HDLBP: variants seen among roughly 807,000 people sequenced by gnomAD.
HDLBP encodes the protein high density lipoprotein binding protein.
Under a neutral mutation model 137.3 loss-of-function variants are expected in HDLBP, and 30 were observed. That is an observed-to-expected ratio of 0.22 (90% CI 0.16 to 0.30). The LOEUF is 0.30. Ranked by LOEUF, HDLBP falls within the 10% of genes least tolerant of loss-of-function variation. The probability of loss-of-function intolerance (pLI) is 1.00; values close to 1 mark genes in which losing one functional copy is unlikely to be tolerated. For missense variants in HDLBP, 1,119 were observed against 1,667.3 expected, an observed-to-expected ratio of 0.67 and a Z score of 5.73; for synonymous variants, 606 against 596.0, an observed-to-expected ratio of 1.02 and a Z score of -0.24.
chr2:241,247,978 A>C, intron 14 of HDLBP, 25 bp downstream of exon 14: 1 of 1,539,440 alleles, frequency 6.5e-7, no homozygotes, highest in South Asian at 1.1e-5. Flanking sequence ...GCTGTCATAC[A>C]AGAAAGGATG....
At chr2:241,312,629 T>G (rs1416657317) in intron 1 of HDLBP, among the ~76,000 whole-genome samples, 5 of 152,240 alleles carry the variant, frequency 3.3e-5, no homozygotes, top group Non-Finnish European at 4.4e-5. Flanking sequence ...ATGATATGCT[T>G]CTTTCAGAAC....
intron 16 of HDLBP, chr2:241,246,546 G>A (rs1435303325): frequency 3.8e-6 from 2 of 519,896 alleles, no homozygotes; most frequent in Non-Finnish European, 6.8e-6. Flanking sequence ...AAATGTTACT[G>A]CTGCAGGGTC....
chr2:241,299,151 A>G (rs1331630009), intron 1 of HDLBP, among the ~76,000 whole-genome samples: 1 of 152,148 alleles, frequency 6.6e-6, no homozygotes, highest in Non-Finnish European at 1.5e-5. Flanking sequence ...CGGTACCCGT[A>G]CCTCCTCTGT....
At position 241,256,349 on chromosome 2, in the gene HDLBP, G is replaced by C; in HGVS notation, c.708C>G (p.Phe236Leu). 3 of 1,613,860 alleles carry C rather than the reference G, an allele frequency of 1.9e-6. No individual in the cohort carries two copies. Among genetic ancestry groups the C allele is most frequent in the African/African-American group, 2.7e-5 (2 of 75,026 alleles). Residue 236 changes from phenylalanine to leucine, a missense_variant, in exon 7 of 28, where the codon TTC becomes TTG. By Grantham distance (22) the Phe-to-Leu change is conservative. Around this residue, in one of 4 missense-constraint regions of HDLBP, gnomAD observed 425 missense variants for 693.9 expected, o/e 0.61. Coordinates refer to ENST00000310931, the MANE Select transcript of HDLBP (RefSeq NM_005336.6). The stretch of plus-strand genomic sequence containing the variant: ...CCAGTCTATTATACGGCCCAGCGAT[G>C]AAGGGGTGGAATGCCTTTTCTACTT... Reference protein sequence around the residue: ...RLEVEKAFHPFIAGPYNRLVG... With the variant: ...RLEVEKAFHPLIAGPYNRLVG...
At chr2:241,249,413 A>C in intron 12 of HDLBP, 1 of 475,862 alleles carries the variant, frequency 2.1e-6, no homozygotes, top group African/African-American at 2.0e-5. Flanking sequence ...CGGGGAGCCC[A>C]GAGCAGTGCA....
chr2:241,232,063 T>C (rs1432565698), intron 24 of HDLBP, among the ~76,000 whole-genome samples: 1 of 152,054 alleles, frequency 6.6e-6, no homozygotes, highest in Non-Finnish European at 1.5e-5. Flanking sequence ...TCTGTCCAGA[T>C]TGAAGCAAAA....
intron 9 of HDLBP, 72 bp from the exon 10 acceptor site, chr2:241,253,569 GCT>G: frequency 9.6e-7 from 1 of 1,046,262 alleles, no homozygotes; most frequent in Non-Finnish European, 1.5e-6. Context: ...CCCAGTGGGA[GCT>G]CTCTTCGGAG....
intron 11 of HDLBP, 107 bp from the exon 12 acceptor site, chr2:241,250,087 T>C: frequency 9.0e-7 from 1 of 1,116,034 alleles, no homozygotes; most frequent in South Asian, 1.7e-5. Flanking sequence ...TTATCTGTGA[T>C]TCCCATCACC....
In HDLBP at chr2:241,239,760, G is replaced by A; in HGVS notation, c.2452C>T (p.Arg818Cys). The change falls in exon 19 of 28, where the codon CGC becomes TGC. Residue 818 changes from arginine to cysteine, a missense_variant. By Grantham distance (180) the Arg-to-Cys change is radical. Around this residue, in one of 4 missense-constraint regions of HDLBP, gnomAD observed 618 missense variants for 816.7 expected, o/e 0.76. Coordinates refer to ENST00000310931, the MANE Select transcript of HDLBP (RefSeq NM_005336.6). This position sits in a 1 kb window ranked among gnomAD's most constrained non-coding sequence, Gnocchi z 4.6. The part of the protein sequence containing the change: ...DPKHHRHFVI[R>C]RGQVLREIAE... ...ATCTCCCGCAAGACCTGGCCTCTGCGGATGACGAAGTGGCGGTGGTGCTTG... is the reference window on the plus strand; with the variant it reads ...ATCTCCCGCAAGACCTGGCCTCTGCAGATGACGAAGTGGCGGTGGTGCTTG... 2 of 1,614,130 alleles carry A rather than the reference G, an allele frequency of 1.2e-6. No homozygotes were observed. Among genetic ancestry groups the A allele is most frequent in the Non-Finnish European group, 1.7e-6 (2 of 1,180,042 alleles).
At chr2:241,308,512 A>G (rs550014592) in intron 1 of HDLBP, among the ~76,000 whole-genome samples, 1 of 152,334 alleles carries the variant, frequency 6.6e-6, no homozygotes, top group African/African-American at 2.4e-5. Flanking sequence ...TCAGCCTGCC[A>G]AAGTTCCGTT....
chr2:241,268,065 C>A (rs1278238406), intron 2 of HDLBP: 1 of 643,208 alleles, frequency 1.6e-6, no homozygotes, highest in African/African-American at 2.0e-5. Flanking sequence ...TTTCTTTACA[C>A]AATTACGCAT....
rs572228244 is a variant in HDLBP at position 241,228,674 on chromosome 2, A to C, written c.*927T>G. 6.6e-6 allele frequency: 1 copy of C among 152,604 alleles called. No individual in the cohort carries two copies. The highest frequency in any genetic ancestry group is 2.4e-5 in the African/African-American group (1 of 41,440). The allele number at this position is 152,604 out of a possible 1,614,324, so 9.5% of individuals were successfully genotyped here. A position where few individuals can be genotyped will look rare whatever the true frequency, so the allele number is the denominator to read the frequency against. On this transcript the variant is annotated 3_prime_UTR_variant, in exon 28 of 28. Coordinates refer to ENST00000310931, the MANE Select transcript of HDLBP (RefSeq NM_005336.6). The stretch of plus-strand genomic sequence containing the variant: ...GGGTGGCACTAACTGCACAGAGACC[A>C]CTCCACGCCGGCTGAGGTAGAAAGA...
At chr2:241,307,802 T>C (rs2075629355) in intron 1 of HDLBP, among the ~76,000 whole-genome samples, 1 of 152,176 alleles carries the variant, frequency 6.6e-6, no homozygotes, top group Non-Finnish European at 1.5e-5. Context: ...TTTACCTCAT[T>C]TGTTAACAAC....
Position 241,255,463 on chromosome 2 carries a change from T to C in HDLBP, c.991A>G (p.Ile331Val), listed in dbSNP as rs747745784. The change falls in exon 8 of 28, where the codon ATC becomes GTC. Residue 331 changes from isoleucine (I) to valine (V), a missense_variant. Ile to Val is a conservative substitution (Grantham distance 29). This residue lies in a region of HDLBP where 425 missense variants were observed against 693.9 expected (regional missense o/e 0.61). Transcript: ENST00000310931. Reference protein sequence around the residue: ...ILERTGVSVEIPPSDSISETV... With the variant: ...ILERTGVSVEVPPSDSISETV... ...TCAGAGATGCTGTCTGAGGGTGGGA[T>C]CTCAACGGAAACTCCAGTTCTCTCA... 1.2e-6 allele frequency: 2 copies of C among 1,614,038 alleles called. No individual in the cohort carries two copies. The highest frequency in any genetic ancestry group is 1.3e-5 in the African/African-American group (1 of 74,918).
At chr2:241,271,383 C>A (rs1009723106) in intron 1 of HDLBP, among the ~76,000 whole-genome samples, 16 of 152,216 alleles carry the variant, frequency 1.1e-4, no homozygotes, top group Non-Finnish European at 1.9e-4. Flanking sequence ...GGAAGGAGGG[C>A]AGGAACCAAG....
chr2:241,309,227 A>G (rs1016520952), intron 1 of HDLBP, among the ~76,000 whole-genome samples: 3 of 152,040 alleles, frequency 2.0e-5, no homozygotes, highest in African/African-American at 4.8e-5. Context: ...GACATACTGC[A>G]TATCTGCTGG....
chr2:241,279,478 C>G (rs557920687), intron 1 of HDLBP, among the ~76,000 whole-genome samples: 2 of 152,314 alleles, frequency 1.3e-5, no homozygotes, highest in Admixed American at 6.5e-5. Context: ...AGGGCTTGCT[C>G]TCTCCAGTGT....
intron 1 of HDLBP, among the ~76,000 whole-genome samples, chr2:241,312,606 T>C (rs746933058): frequency 1.1e-4 from 16 of 152,206 alleles, no homozygotes; most frequent in Admixed American, 3.9e-4. Context: ...AACTTGGCAA[T>C]TGGGAAAGCC....
At chr2:241,266,434 T>C (rs1404611074) in intron 3 of HDLBP, 1 of 254,346 alleles carries the variant, frequency 3.9e-6, no homozygotes, top group Non-Finnish European at 7.7e-6. Context: ...CCAGCCTTCA[T>C]CCTCAAGGCA....
Sources: gnomAD v4.1 joint callset for allele counts (sites outside exome capture counted in the v4.1 genomes callset) on GRCh38, gnomAD v4.1.1 for gene constraint, gnomAD v4.1.1 regional missense constraint, Gnocchi (gnomAD v3.1) non-coding constraint, MANE v1.5 for transcripts, NCBI Gene and HGNC (gene_info 2026-07-23, HGNC 2026-07-21) for gene names.